CENPP: variants seen among roughly 807,000 people sequenced by gnomAD.
CENPP encodes the protein centromere protein P.
Under a neutral mutation model 35.6 loss-of-function variants are expected in CENPP, and 24 were observed. That is an observed-to-expected ratio of 0.67 (90% confidence interval 0.49 to 0.95). The LOEUF (loss-of-function observed/expected upper bound fraction) is 0.95. Among genes scored for constraint, CENPP ranks in the 40% least tolerant of loss-of-function variants. The probability of loss-of-function intolerance (pLI) is 0.00; values close to 1 mark genes in which losing one functional copy is unlikely to be tolerated. For synonymous variants in CENPP, 120 were observed against 125.5 expected (o/e 0.96, Z 0.29); for missense variants, 332 against 345.3 (o/e 0.96, Z 0.31).
At chr9:92,442,095 T>A (rs1195677636) in intron 5 of CENPP, among the ~76,000 whole-genome samples, 1 of 151,690 alleles carries the variant, frequency 6.6e-6, no homozygotes, top group African/African-American at 2.4e-5. Flanking sequence ...TAAGTTAAAA[T>A]TTAGATATAT....
intron 4 of CENPP, among the ~76,000 whole-genome samples, chr9:92,352,069 A>C (rs536786336): frequency 7.4e-6 from 1 of 135,798 alleles, no homozygotes; most frequent in Non-Finnish European, 1.6e-5. Context: ...TATTTGCACC[A>C]TCTATATAAG....
At chr9:92,512,116 G>A (rs746176588) in intron 5 of CENPP, 30 of 1,612,366 alleles carry the variant, frequency 1.9e-5, no homozygotes, top group South Asian at 1.4e-4. Context: ...GGATGGAGGC[G>A]ATGGAATTGC....
At chr9:92,470,462 T>C (rs894563022) in intron 5 of CENPP, among the ~76,000 whole-genome samples, 3 of 152,262 alleles carry the variant, frequency 2.0e-5, no homozygotes, top group Non-Finnish European at 2.9e-5. Flanking sequence ...TACATGGCTA[T>C]TATTTAATAA....
intron 5 of CENPP, among the ~76,000 whole-genome samples, chr9:92,522,375 C>T (rs983160012): frequency 5.3e-5 from 8 of 152,170 alleles, no homozygotes; most frequent in Admixed American, 3.3e-4. Flanking sequence ...TGTGAGCCAC[C>T]GCGCCTGGCC....
chr9:92,435,912 T>A (rs1844234960), intron 5 of CENPP, among the ~76,000 whole-genome samples: 1 of 152,210 alleles, frequency 6.6e-6, no homozygotes, highest in South Asian at 2.1e-4. Flanking sequence ...TTCATTTCTA[T>A]GGGGTACATG....
rs1851431778 is a variant in CENPP at position 92,616,287 on chromosome 9, T to C, written c.*3138T>C. The C allele has an allele frequency of 4.2e-6, 2 of 474,332 alleles. No homozygotes were observed. The highest frequency in any genetic ancestry group is 3.9e-5 in the African/African-American group (2 of 51,080). The allele number at this position is 474,332 out of a possible 1,614,324, so 29.4% of individuals were successfully genotyped here. On this transcript the variant is annotated 3_prime_UTR_variant, in exon 8 of 8. Transcript: ENST00000375587. ...GTGATCTGTGCGTGTGACAGCTGTC[T>C]GTGCCGGCTGTGTGCACCAGCGTGC...
chr9:92,366,972 C>T (rs1231978775), intron 4 of CENPP, among the ~76,000 whole-genome samples: 2 of 152,156 alleles, frequency 1.3e-5, no homozygotes, highest in Non-Finnish European at 2.9e-5. Context: ...AGTCAAAACG[C>T]AGGTGTACAA....
At chr9:92,410,633 G>A (rs1843420775) in intron 5 of CENPP, among the ~76,000 whole-genome samples, 3 of 152,116 alleles carry the variant, frequency 2.0e-5, no homozygotes, top group Admixed American at 2.0e-4. Context: ...ACTATCTTTT[G>A]TATGAGTAAA....
intron 5 of CENPP, among the ~76,000 whole-genome samples, chr9:92,536,909 G>T (rs7872644): frequency 0.43 from 62,339 of 144,336 alleles, 15,237 homozygotes; most frequent in African/African-American, 0.68. Flanking sequence ...TTGCTCTGTT[G>T]CCCAGGCTAG....
At chr9:92,607,386 G>A (rs920327419) in intron 5 of CENPP, among the ~76,000 whole-genome samples, 5 of 152,138 alleles carry the variant, frequency 3.3e-5, no homozygotes, top group African/African-American at 1.2e-4. Flanking sequence ...AAGTAGCCTG[G>A]TGGTTGCTTA....
intron 5 of CENPP, among the ~76,000 whole-genome samples, chr9:92,414,082 A>G (rs760310252): frequency 2.6e-5 from 4 of 152,194 alleles, no homozygotes; most frequent in Non-Finnish European, 5.9e-5. Flanking sequence ...CACAGCAGTT[A>G]GATAATCATC....
chr9:92,403,347 G>A (rs945395568), intron 5 of CENPP: 1 of 1,613,458 alleles, frequency 6.2e-7, no homozygotes, highest in Non-Finnish European at 8.5e-7. Flanking sequence ...TGGGTTGGTG[G>A]TGCTGGCTTT....
intron 5 of CENPP, chr9:92,501,183 A>C: frequency 1.1e-6 from 1 of 907,054 alleles, no homozygotes; most frequent in Non-Finnish European, 1.6e-6. Context: ...GATGATTCCA[A>C]ATAGGAACTT....
intron 5 of CENPP, among the ~76,000 whole-genome samples, chr9:92,454,328 T>C (rs1410826801): frequency 6.6e-6 from 1 of 152,206 alleles, no homozygotes; most frequent in Non-Finnish European, 1.5e-5. Context: ...GTCTTTTCTT[T>C]TTGTAAAAAG....
At chr9:92,368,465 G>T (rs918174173) in intron 4 of CENPP, among the ~76,000 whole-genome samples, 1 of 152,100 alleles carries the variant, frequency 6.6e-6, no homozygotes. Flanking sequence ...TCATGGGGCC[G>T]TTTATTCAAT....
intron 4 of CENPP, among the ~76,000 whole-genome samples, chr9:92,358,450 G>T (rs914514227): frequency 6.6e-6 from 1 of 151,998 alleles, no homozygotes; most frequent in African/African-American, 2.4e-5. Flanking sequence ...CACCATGTTG[G>T]TGTGGCTGGT....
At chr9:92,376,860 G>A (rs1316598729) in intron 4 of CENPP, among the ~76,000 whole-genome samples, 1 of 151,848 alleles carries the variant, frequency 6.6e-6, no homozygotes, top group East Asian at 1.9e-4. Context: ...GGCCAATATG[G>A]TGAAACCCTG....
At chr9:92,329,182 C>CTTTT (rs11366828) in intron 1 of CENPP, among the ~76,000 whole-genome samples, 1 of 104,428 alleles carries the variant, frequency 9.6e-6, no homozygotes, top group Non-Finnish European at 1.8e-5. Context: ...ATATTTATGG[C>CTTTT]TTTTTTTTTT....
intron 5 of CENPP, among the ~76,000 whole-genome samples, chr9:92,401,757 T>C (rs539352304): frequency 6.6e-6 from 1 of 152,166 alleles, no homozygotes; most frequent in Non-Finnish European, 1.5e-5. Context: ...GCCACTGGGG[T>C]AGGCCATTAA....
Sources: gnomAD v4.1 joint callset for allele counts (sites outside exome capture counted in the v4.1 genomes callset) on GRCh38, gnomAD v4.1.1 for gene constraint, MANE v1.5 for transcripts, NCBI Gene and HGNC (gene_info 2026-07-23, HGNC 2026-07-21) for gene names.